Variants in NXPE4 observed in about 807,000 individuals in gnomAD.
NXPE4 encodes the protein neurexophilin and PC-esterase domain family member 4.
In NXPE4, 42 loss-of-function variants were observed where a neutral mutation model predicts 33.3. The observed-to-expected ratio is 1.26, with a 90% CI of 0.98 to 1.63. NXPE4 has a LOEUF of 1.63. Among genes scored for constraint, NXPE4 ranks in the 40% most tolerant of loss-of-function variants. The pLI is 0.00. For missense variants in NXPE4, 709 were observed against 647.6 expected (o/e 1.09, Z -1.03); for synonymous variants, 253 against 234.9 (o/e 1.08, Z -0.71).
At chr11:114,596,394 G>A (rs139737025), upstream of NXPE4, among the ~76,000 whole-genome samples, 3,512 of 152,226 alleles carry the variant, frequency 0.023, 57 homozygotes, top group Non-Finnish European at 0.035. Flanking sequence ...CTGTGGCTCC[G>A]TCCATGGGTT....
chr11:114,641,670 G>A, the NXPE4 span, among the ~76,000 whole-genome samples: 1 of 152,000 alleles, frequency 6.6e-6, no homozygotes, highest in African/African-American at 2.4e-5. Context: ...GATACTAATA[G>A]GAGGTAAAAC....
At chr11:114,603,967 A>G in the NXPE4 span, among the ~76,000 whole-genome samples, 2 of 150,622 alleles carry the variant, frequency 1.3e-5, no homozygotes, top group Non-Finnish European at 3.0e-5. Flanking sequence ...GGTAACTACT[A>G]TTACCTGGTG....
the NXPE4 span, among the ~76,000 whole-genome samples, chr11:114,663,637 C>CTATCTATCTATCATCT: frequency 2.1e-3 from 288 of 138,854 alleles, no homozygotes; most frequent in Middle Eastern, 0.011. Flanking sequence ...ATCTATCTAT[C>CTATCTATCTATCATCT]ATCTATCCAT....
the NXPE4 span, among the ~76,000 whole-genome samples, chr11:114,650,696 T>TAA: frequency 6.6e-6 from 1 of 152,134 alleles, no homozygotes; most frequent in South Asian, 2.1e-4. Flanking sequence ...GCTACCATCA[T>TAA]AAGTAGGGCA....
rs777203583 is a variant in NXPE4 at position 114,594,751 on chromosome 11, T to G, written c.9A>C (p.Ile3=). The stretch of plus-strand genomic sequence containing the variant: ...ATAGTGACTTATAATTTATCATACT[T>G]ATTTTCATGATTAGGATCCTACAAG... The part of the protein sequence containing the change: MK[I]SMINYKSLLA... The change falls in exon 2 of 6, where the codon ATA becomes ATC. Residue 3 remains isoleucine (I), a synonymous_variant. Transcript: ENST00000375478. The G allele has an allele frequency of 9.2e-6, 14 of 1,516,476 alleles. No homozygotes were observed. The South Asian group carries it at 1.6e-4, about 18-fold the overall frequency. The allele number at this position is 1,516,476 out of a possible 1,614,324, so 93.9% of individuals were successfully genotyped here. A position where few individuals can be genotyped will look rare whatever the true frequency, so the allele number is the denominator to read the frequency against.
chr11:114,607,649 C>T, the NXPE4 span, among the ~76,000 whole-genome samples: 1 of 151,296 alleles, frequency 6.6e-6, no homozygotes, highest in African/African-American at 2.4e-5. Flanking sequence ...CGCGGTTAAC[C>T]ACTCTTACAC....
the NXPE4 span, among the ~76,000 whole-genome samples, chr11:114,648,863 GATATA>G: frequency 5.3e-5 from 8 of 152,022 alleles, no homozygotes; most frequent in Non-Finnish European, 7.4e-5. Context: ...TAGTCAAAAT[GATATA>G]ATATAAAGTG....
At chr11:114,597,019 A>G (rs1459004926), upstream of NXPE4, among the ~76,000 whole-genome samples, 1 of 152,234 alleles carries the variant, frequency 6.6e-6, no homozygotes, top group Admixed American at 6.5e-5. Context: ...GTGTATATGT[A>G]TAACAACATA....
At chr11:114,596,623 C>T (rs1428325699), upstream of NXPE4, among the ~76,000 whole-genome samples, 1 of 152,130 alleles carries the variant, frequency 6.6e-6, no homozygotes, top group Admixed American at 6.5e-5. Context: ...TACTTGATGA[C>T]CTTTGGAAAA....
the NXPE4 span, among the ~76,000 whole-genome samples, chr11:114,601,428 T>C: frequency 8.3e-5 from 11 of 132,494 alleles, no homozygotes; most frequent in African/African-American, 3.1e-4. Flanking sequence ...AATTTTGTTC[T>C]TTTTAAATTT....
chr11:114,622,438 C>T, the NXPE4 span, among the ~76,000 whole-genome samples: 19 of 149,776 alleles, frequency 1.3e-4, no homozygotes, highest in East Asian at 4.0e-4. Context: ...TTGCCTTCTG[C>T]GTAACCACTG....
chr11:114,599,856 T>C (rs1212171947), upstream of NXPE4, among the ~76,000 whole-genome samples: 2 of 152,120 alleles, frequency 1.3e-5, no homozygotes, highest in Non-Finnish European at 2.9e-5. Flanking sequence ...ACACTGGGGA[T>C]TAGAATTCAA....
At chr11:114,617,310 GT>G in the NXPE4 span, among the ~76,000 whole-genome samples, 1 of 151,736 alleles carries the variant, frequency 6.6e-6, no homozygotes, top group Non-Finnish European at 1.5e-5. Context: ...CAGATACTAA[GT>G]TTTGCCTCGT....
chr11:114,594,638 A>G lies in NXPE4; in HGVS notation c.96+26T>C, dbSNP rs746932814. On this transcript the variant is annotated intron_variant, in intron 2 of 5. Coordinates refer to ENST00000375478, the MANE Select transcript of NXPE4 (RefSeq NM_001077639.2). The stretch of plus-strand genomic sequence containing the variant: ...TAATAAGCAAAAATAAGCTTCTGTA[A>G]ACCACATAAATAAAGCATTTCCTAC... 6.9e-6 allele frequency: 10 copies of G among 1,449,104 alleles called. No homozygotes were observed. The East Asian group carries it at 2.3e-4, about 33-fold the overall frequency. The allele number at this position is 1,449,104 out of a possible 1,614,324, so 89.8% of individuals were successfully genotyped here. A position where few individuals can be genotyped will look rare whatever the true frequency, so the allele number is the denominator to read the frequency against.
intron 5 of NXPE4, among the ~76,000 whole-genome samples, chr11:114,578,370 G>C (rs1240995132): frequency 3.3e-5 from 5 of 152,180 alleles, no homozygotes; most frequent in African/African-American, 4.8e-5. Flanking sequence ...ATGAGTCGAA[G>C]AGGGTAGGTA....
the NXPE4 span, among the ~76,000 whole-genome samples, chr11:114,651,183 C>T: frequency 1.3e-5 from 2 of 152,042 alleles, no homozygotes; most frequent in Non-Finnish European, 2.9e-5. Context: ...AAGCCGTGGA[C>T]CCTCGCGGTT....
the NXPE4 span, among the ~76,000 whole-genome samples, chr11:114,615,270 G>A: frequency 6.6e-6 from 1 of 151,704 alleles, no homozygotes; most frequent in Non-Finnish European, 1.5e-5. Context: ...GTATTTCCTT[G>A]TGGGTATCCA....
At chr11:114,674,951 A>G in the NXPE4 span, among the ~76,000 whole-genome samples, 3 of 151,986 alleles carry the variant, frequency 2.0e-5, no homozygotes, top group Non-Finnish European at 2.9e-5. Context: ...AGAATGATTC[A>G]CCATAATCAA....
the NXPE4 span, among the ~76,000 whole-genome samples, chr11:114,624,799 G>A: frequency 9.3e-5 from 14 of 149,946 alleles, no homozygotes; most frequent in East Asian, 1.0e-3. Context: ...ACTGTTACCC[G>A]GTGGATAGTA....
Sources: allele counts gnomAD v4.1 joint callset (sites outside exome capture counted in the v4.1 genomes callset), GRCh38; gene constraint gnomAD v4.1.1; transcripts MANE v1.5; gene names NCBI Gene and HGNC (gene_info 2026-07-23, HGNC 2026-07-21).